Variants in NBEA observed in about 807,000 individuals in gnomAD.
NBEA encodes neurobeachin, also known as lysosomal-trafficking regulator 2.
In NBEA, 44 loss-of-function variants were observed where a neutral mutation model predicts 343.4. That is an observed-to-expected ratio of 0.13 (90% CI 0.10 to 0.16). The LOEUF is 0.16. Among genes scored for constraint, NBEA ranks in the 10% least tolerant of loss-of-function variants. NBEA has a pLI of 1.00. For missense variants in NBEA, 2,555 were observed against 3,631.3 expected (o/e 0.70, Z 7.62); for synonymous variants, 1,175 against 1,238.7 (o/e 0.95, Z 1.08).
intron 45 of NBEA, among the ~76,000 whole-genome samples, chr13:35,568,594 T>G (rs1375531189): frequency 6.6e-6 from 1 of 152,104 alleles, no homozygotes; most frequent in African/African-American, 2.4e-5. Flanking sequence ...GTACAATATT[T>G]TAGAGAGACC....
At chr13:34,950,966 T>A (rs865996314) in intron 1 of NBEA, among the ~76,000 whole-genome samples, 1 of 152,106 alleles carries the variant, frequency 6.6e-6, no homozygotes. Context: ...GCCTGGGTGA[T>A]GGAGTAAGAT....
chr13:35,137,648 C>T (rs2152691222), intron 17 of NBEA, among the ~76,000 whole-genome samples: 1 of 152,064 alleles, frequency 6.6e-6, no homozygotes, highest in East Asian at 1.9e-4. Context: ...TCCTTTATTA[C>T]CTTCTCTTAC....
intron 41 of NBEA, among the ~76,000 whole-genome samples, chr13:35,506,431 A>AT (rs113386017): frequency 3.3e-5 from 5 of 152,170 alleles, no homozygotes; most frequent in African/African-American, 1.2e-4. Flanking sequence ...AATACTTAGA[A>AT]TTTTTTTTTT....
intron 40 of NBEA, among the ~76,000 whole-genome samples, chr13:35,452,919 TAG>T (rs2046378429): frequency 6.6e-6 from 1 of 152,210 alleles, no homozygotes; most frequent in Non-Finnish European, 1.5e-5. Context: ...CACAATGTCA[TAG>T]TGGTCACTGA....
At chr13:35,166,986 G>A (rs1235706798) in intron 24 of NBEA, among the ~76,000 whole-genome samples, 1 of 151,994 alleles carries the variant, frequency 6.6e-6, no homozygotes, top group Non-Finnish European at 1.5e-5. Flanking sequence ...CTAGATATAT[G>A]AAGAGAGATG....
chr13:35,078,478 C>T (rs767266107), intron 10 of NBEA, among the ~76,000 whole-genome samples: 15 of 152,122 alleles, frequency 9.9e-5, no homozygotes, highest in Non-Finnish European at 1.8e-4. Context: ...TTAAACAATA[C>T]AATTGCTCTT....
At chr13:35,390,022 A>G (rs1261328907) in intron 38 of NBEA, among the ~76,000 whole-genome samples, 4 of 134,858 alleles carry the variant, frequency 3.0e-5, no homozygotes, top group Non-Finnish European at 4.8e-5. Flanking sequence ...ACTCTCTGAT[A>G]TATCGTTTTT....
chr13:35,122,546 A>G (rs1166270728), intron 16 of NBEA, among the ~76,000 whole-genome samples: 3 of 143,122 alleles, frequency 2.1e-5, no homozygotes, highest in Admixed American at 7.1e-5. Context: ...CAGGAAGGGG[A>G]ACATCACACA....
chr13:35,542,161 C>A (rs916106785), intron 41 of NBEA, among the ~76,000 whole-genome samples: 6 of 151,768 alleles, frequency 4.0e-5, no homozygotes, highest in African/African-American at 4.8e-5. Context: ...CACCCCCCCC[C>A]CACCGCATAC....
chr13:35,209,143 G>A (rs1231097022), intron 32 of NBEA, among the ~76,000 whole-genome samples: 2 of 152,042 alleles, frequency 1.3e-5, no homozygotes, highest in African/African-American at 4.8e-5. Context: ...CAGAAGCAAA[G>A]GATAATTTGA....
At chr13:35,251,083 C>A in intron 34 of NBEA, 1 of 176,430 alleles carries the variant, frequency 5.7e-6, no homozygotes, top group South Asian at 1.3e-4. Flanking sequence ...TGGCCTTAGC[C>A]ATTGCACGAG....
intron 48 of NBEA, among the ~76,000 whole-genome samples, chr13:35,612,124 T>C (rs571911183): frequency 1.2e-4 from 19 of 152,026 alleles, no homozygotes; most frequent in Middle Eastern, 3.4e-3. Flanking sequence ...AATATCTCAT[T>C]ACAATATTTT....
Position 35,370,425 on chromosome 13 carries a change from C to T in NBEA, c.6179+18102C>T, listed in dbSNP as rs1429175355. On this transcript the variant is annotated intron_variant, in intron 38 of 58. Transcript: ENST00000379939. Reference sequence around the variant, plus strand: ...TCCTTTATTTTTAGTCTGTATGTGTCTTTGCAGATGAGATGAGATTCCTGT... The same window carrying T: ...TCCTTTATTTTTAGTCTGTATGTGTTTTTGCAGATGAGATGAGATTCCTGT... Among the ~76,000 whole-genome samples the T allele has an allele frequency of 2.0e-5, 3 of 151,754 alleles. No homozygotes were observed. In the East Asian group the frequency reaches 5.8e-4, roughly 29 times the overall value.
chr13:35,434,625 C>G (rs991282394), intron 39 of NBEA, among the ~76,000 whole-genome samples: 2 of 152,162 alleles, frequency 1.3e-5, no homozygotes, highest in African/African-American at 4.8e-5. Context: ...CTCTAACCTT[C>G]CTCACAGTTC....
intron 30 of NBEA, chr13:35,185,181 A>T (rs2152732855): frequency 6.6e-6 from 1 of 152,276 alleles, no homozygotes; most frequent in Non-Finnish European, 1.5e-5. Context: ...AGAAAACCAC[A>T]TAGCTAATAG....
In NBEA at chr13:35,040,979, A is replaced by T. The variant is rs1447313899; in HGVS notation, c.341A>T (p.Asp114Val). 1 of 1,613,084 alleles carries T rather than the reference A, an allele frequency of 6.2e-7. No homozygotes were observed. Among genetic ancestry groups the T allele is most frequent in the African/African-American group, 1.3e-5 (1 of 74,852 alleles). Residue 114 changes from aspartate (D) to valine (V), a missense_variant, in exon 2 of 59, where the codon GAT becomes GTT. Physicochemically the swap from Asp to Val is radical, Grantham distance 152. This residue lies in a region of NBEA where 185 missense variants were observed against 290.6 expected (regional missense o/e 0.64). Transcript: ENST00000379939. ...TTGGAGATGAACTTTATTATCCAGG[A>T]TGCTGAGAGTATAACATGTATGACA... ...FDLEMNFIIQ[D>V]AESITCMTEL...
intron 38 of NBEA, among the ~76,000 whole-genome samples, chr13:35,372,528 G>A (rs1289711740): frequency 6.6e-6 from 1 of 152,128 alleles, no homozygotes; most frequent in African/African-American, 2.4e-5. Context: ...AGACAGGGAG[G>A]GGTTTTTCCG....
chr13:35,563,137 A>G (rs1298756549), intron 44 of NBEA, among the ~76,000 whole-genome samples: 4,539 of 52,176 alleles, frequency 0.087, 94 homozygotes, highest in South Asian at 0.27. Flanking sequence ...GTGTGGAGAT[A>G]GATAGATAGA....
intron 2 of NBEA, among the ~76,000 whole-genome samples, chr13:35,044,529 C>T (rs1052708707): frequency 9.9e-5 from 15 of 151,532 alleles, no homozygotes; most frequent in African/African-American, 3.4e-4. Flanking sequence ...TGACAATAAC[C>T]AGTTTGCAAT....
Sources: allele counts gnomAD v4.1 joint callset (sites outside exome capture counted in the v4.1 genomes callset), GRCh38; gene constraint gnomAD v4.1.1; regional missense constraint gnomAD v4.1.1; transcripts MANE v1.5; gene names NCBI Gene and HGNC (gene_info 2026-07-23, HGNC 2026-07-21).